Variants in CC2D1A observed in about 807,000 individuals in gnomAD.
The protein encoded by CC2D1A is coiled-coil and C2 domain containing 1A, also known as coiled-coil and C2 domain-containing protein 1A.
A neutral mutation model predicts 123.8 loss-of-function variants in CC2D1A; 68 were observed. The observed-to-expected ratio is 0.55, with a 90% CI of 0.45 to 0.67. CC2D1A has a LOEUF of 0.67. Ranked by LOEUF, CC2D1A falls within the 30% of genes least tolerant of loss-of-function variation. CC2D1A has a pLI of 0.00. For synonymous variants in CC2D1A, 477 were observed against 528.0 expected (o/e 0.90, Z 1.32); for missense variants, 1,185 against 1,290.3 (o/e 0.92, Z 1.25).
At position 13,919,175 on chromosome 19, in the gene CC2D1A, G is replaced by T. The variant is rs1306027537; in HGVS notation, c.1195G>T (p.Asp399Tyr). 1.2e-6 allele frequency: 2 copies of T among 1,612,892 alleles called. No homozygotes were observed. Among genetic ancestry groups the T allele is most frequent in the African/African-American group, 1.3e-5 (1 of 74,886 alleles). Residue 399 changes from aspartate (D) to tyrosine (Y), a missense_variant, in exon 11 of 29, where the codon GAT becomes TAT. Coordinates refer to ENST00000318003, the MANE Select transcript of CC2D1A (RefSeq NM_017721.5). ...AGCCCACAAGGCTGGCCGAGCCGTG[G>T]ATGTCGCTGAATTGCCCGTGCCCCC... ...IRAHKAGRAV[D>Y]VAELPVPPGF... is the part of the protein sequence containing the mutation.
intron 17 of CC2D1A, among the ~76,000 whole-genome samples, chr19:13,925,444 G>C (rs1199178575): frequency 6.6e-6 from 1 of 152,110 alleles, no homozygotes; most frequent in Non-Finnish European, 1.5e-5. Context: ...TCCGGGCGTG[G>C]TGGTAGGCGC....
At chr19:13,920,411 C>CA in intron 12 of CC2D1A, 146 bp from the exon 13 acceptor site, 1 of 649,084 alleles carries the variant, frequency 1.5e-6, no homozygotes. Context: ...TGTTTGGGGC[C>CA]AGGGGCTTTG....
chr19:13,913,761 G>A (rs1457159313), intron 6 of CC2D1A, 123 bp downstream of exon 6: 1 of 703,328 alleles, frequency 1.4e-6, no homozygotes, highest in Non-Finnish European at 2.3e-6. Flanking sequence ...GAGTCCTGGG[G>A]TCTTCAAGCC....
Position 13,923,571 on chromosome 19 carries a change from A to G in CC2D1A, c.1788A>G (p.Gln596=). Residue 596 remains glutamine, a synonymous_variant, in exon 16 of 29, where the codon CAA becomes CAG. Coordinates refer to ENST00000318003, the MANE Select transcript of CC2D1A (RefSeq NM_017721.5). The surrounding 1 kb of genome is among the most constrained non-coding windows in gnomAD (Gnocchi z 5.3). The stretch of plus-strand genomic sequence containing the variant: ...AGATGTGCCTGAACCACTCAAACCA[A>G]TTCACCCAGCTGGGCAACATCACTG... ...QHEMCLNHSN[Q]FTQLGNITET... is the part of the protein sequence containing the mutation. The G allele has an allele frequency of 6.2e-7, 1 of 1,613,980 alleles. No individual in the cohort carries two copies. Among genetic ancestry groups the G allele is most frequent in the East Asian group, 2.2e-5 (1 of 44,874 alleles).
chr19:13,913,284 C>G lies in CC2D1A; in HGVS notation c.495C>G (p.Arg165=). 1 of 1,613,062 alleles carries G rather than the reference C, an allele frequency of 6.2e-7. No homozygotes were observed. The highest frequency in any genetic ancestry group is 8.5e-7 in the Non-Finnish European group (1 of 1,179,658). The change falls in exon 5 of 29, where the codon CGC becomes CGG. Residue 165 remains arginine, a synonymous_variant. Transcript: ENST00000318003. ...CTGGAGACAGCGCCAAGATGCGGCG[C>G]TACGATCGGGGGCTTAAAGTAAGTG... ...RQAGDSAKMR[R]YDRGLKTLEN...
intron 1 of CC2D1A, among the ~76,000 whole-genome samples, chr19:13,909,522 T>G (rs745464160): frequency 6.6e-6 from 1 of 152,076 alleles, no homozygotes; most frequent in Admixed American, 6.6e-5. Flanking sequence ...CGTGAGCCAC[T>G]GCGCCCAGCC....
At chr19:13,927,520 T>C in intron 22 of CC2D1A, 1 of 513,998 alleles carries the variant, frequency 1.9e-6, no homozygotes, top group Admixed American at 3.2e-5. Flanking sequence ...GGCTCATGCC[T>C]GTAATCCCAG....
Position 13,906,647 on chromosome 19 carries a change from A to C in CC2D1A, c.60+146A>C, listed in dbSNP as rs2145278105. On this transcript the variant is annotated intron_variant, in intron 1 of 28. Coordinates refer to ENST00000318003, the MANE Select transcript of CC2D1A (RefSeq NM_017721.5). This position sits in a 1 kb window ranked among gnomAD's most constrained non-coding sequence, Gnocchi z 4.1. ...GCCTCCCCCCAGGTGAGGCTCCAAC[A>C]CCACCCAAGTGTGGCCTACTGGCCT... 1 of 525,272 alleles carries C rather than the reference A, an allele frequency of 1.9e-6. No homozygotes were observed. Among genetic ancestry groups the C allele is most frequent in the Non-Finnish European group, 3.3e-6 (1 of 305,572 alleles). The allele number at this position is 525,272 out of a possible 1,614,324, so 32.5% of individuals were successfully genotyped here.
At chr19:13,929,196 G>A (rs1971765098) in intron 24 of CC2D1A, among the ~76,000 whole-genome samples, 183 bp from the exon 25 acceptor site, 1 of 151,640 alleles carries the variant, frequency 6.6e-6, no homozygotes, top group South Asian at 2.1e-4. Flanking sequence ...TAGTAGAGAC[G>A]GGGTTTCACC....
chr19:13,912,447 T>C lies in CC2D1A; in HGVS notation c.312+9T>C. On this transcript the variant is annotated intron_variant, in intron 3 of 28. Coordinates refer to ENST00000318003, the MANE Select transcript of CC2D1A (RefSeq NM_017721.5). ...CTGATGATGACCTGCTGGTGAGCAC[T>C]GAGGGCGGGGTGGGGGCTCTGATCC... 6.2e-7 allele frequency: 1 copy of C among 1,613,844 alleles called. No homozygotes were observed. The highest frequency in any genetic ancestry group is 8.5e-7 in the Non-Finnish European group (1 of 1,179,916).
intron 17 of CC2D1A, among the ~76,000 whole-genome samples, chr19:13,924,823 C>T (rs913688511): frequency 2.4e-4 from 36 of 152,048 alleles, no homozygotes; most frequent in African/African-American, 8.7e-4. Context: ...TCCCAGCTGC[C>T]CTTGGGATAA....
At chr19:13,925,718 G>A (rs937391360) in intron 17 of CC2D1A, among the ~76,000 whole-genome samples, 3 of 151,252 alleles carry the variant, frequency 2.0e-5, no homozygotes, top group Non-Finnish European at 2.9e-5. Flanking sequence ...TCGGGAGTTC[G>A]AGACCAGCCT....
rs565683424 is a variant in CC2D1A at position 13,911,435 on chromosome 19, G to T, written c.197-888G>T. On this transcript the variant is annotated intron_variant, in intron 2 of 28. Transcript: ENST00000318003. ...TGAAGGAGGAACTGTTGTCATCCCC[G>T]TGTCACAGAGGGAGAAACTGAGGCT... Among the ~76,000 whole-genome samples the T allele has an allele frequency of 2.0e-5, 3 of 152,062 alleles. No individual in the cohort carries two copies. In the East Asian group the frequency reaches 5.8e-4, roughly 29 times the overall value.
At chr19:13,925,765 TAA>T (rs201104342) in intron 17 of CC2D1A, among the ~76,000 whole-genome samples, 3,746 of 149,392 alleles carry the variant, frequency 0.025, 80 homozygotes, top group Non-Finnish European at 0.034. Flanking sequence ...ACTAAAAATA[TAA>T]AAATTATCCA....
At chr19:13,920,462 A>G in intron 12 of CC2D1A, 95 bp from the exon 13 acceptor site, 3 of 786,596 alleles carry the variant, frequency 3.8e-6, no homozygotes, top group Non-Finnish European at 6.6e-6. Context: ...AGCCCACTAA[A>G]TGACCACTGT....
At position 13,912,704 on chromosome 19, in the gene CC2D1A, G is replaced by C; in HGVS notation, c.378+111G>C. The C allele has an allele frequency of 3.8e-6, 4 of 1,061,910 alleles. No individual in the cohort carries two copies. In the South Asian group the frequency reaches 5.4e-5, roughly 14 times the overall value. The allele number at this position is 1,061,910 out of a possible 1,614,324, so 65.8% of individuals were successfully genotyped here. On this transcript the variant is annotated intron_variant, in intron 4 of 28. Transcript: ENST00000318003. ...GTCTTGCTGTGTCACCCAGGCTGGA[G>C]TGCAGTGGTGCCATCTCAGCTCACT...
At chr19:13,920,233 A>G (rs1971361298) in intron 12 of CC2D1A, 5 of 514,458 alleles carry the variant, frequency 9.7e-6, no homozygotes. Context: ...TCTGGGTGAC[A>G]GAGCAAGACC....
rs747760233 is a variant in CC2D1A, at chr19:13,926,572, A to G, written c.1996A>G (p.Asn666Asp). The change falls in exon 18 of 29, where the codon AAC (asparagine) becomes GAC (aspartate). Residue 666 changes from asparagine to aspartate, a missense_variant. By Grantham distance (23) the Asn-to-Asp change is conservative. Coordinates refer to ENST00000318003, the MANE Select transcript of CC2D1A (RefSeq NM_017721.5). ...GCTCCTCTTCATCGTGAAGGGCATCAACTTGCCCACACCCCCAGGTGAGGG... is the reference window on the plus strand; with the variant it reads ...GCTCCTCTTCATCGTGAAGGGCATCGACTTGCCCACACCCCCAGGTGAGGG... ...DMLLFIVKGI[N>D]LPTPPGLSPG... The G allele has an allele frequency of 2.9e-5, 46 of 1,614,010 alleles. 2 individuals carry two copies. In the Middle Eastern group the frequency reaches 4.9e-4, roughly 17 times the overall value.
intron 1 of CC2D1A, among the ~76,000 whole-genome samples, chr19:13,909,140 A>G (rs1003883940): frequency 5.3e-5 from 8 of 151,970 alleles, no homozygotes; most frequent in African/African-American, 1.9e-4. Flanking sequence ...TGGGAGGCCG[A>G]GGCGGGCAGA....
Sources: allele counts gnomAD v4.1 joint callset (sites outside exome capture counted in the v4.1 genomes callset), GRCh38; gene constraint gnomAD v4.1.1; non-coding constraint Gnocchi (gnomAD v3.1); transcripts MANE v1.5; gene names NCBI Gene and HGNC (gene_info 2026-07-23, HGNC 2026-07-21).